The following TECRL variants were observed in gnomAD, a reference collection of about 807,000 sequenced individuals.
TECRL encodes trans-2,3-enoyl-CoA reductase-like.
In TECRL, 63 loss-of-function variants were observed where a neutral mutation model predicts 52.8. The observed-to-expected ratio is 1.19, with a 90% confidence interval of 0.97 to 1.47. The LOEUF is 1.47. TECRL is among the 40% of genes most tolerant of loss of function. The pLI, the probability that TECRL is intolerant of heterozygous loss-of-function variation, is 0.00. For missense variants in TECRL, 482 were observed against 429.6 expected, an observed-to-expected ratio of 1.12 and a Z score of -1.08; for synonymous variants, 164 against 141.9, an observed-to-expected ratio of 1.16 and a Z score of -1.10.
chr4:64,348,254 A>T (rs1162218097), intron 2 of TECRL, among the ~76,000 whole-genome samples: 2 of 152,192 alleles, frequency 1.3e-5, no homozygotes, highest in African/African-American at 2.4e-5. Context: ...ACAAGGTGAC[A>T]GAAGAGAGAG....
At chr4:64,305,364 T>C in intron 6 of TECRL, 126 bp from the exon 7 acceptor site, 1 of 703,280 alleles carries the variant, frequency 1.4e-6, no homozygotes, top group Non-Finnish European at 2.4e-6. Flanking sequence ...TATTAGACAC[T>C]GCAGCATTTA....
chr4:64,279,579 T>C lies in TECRL; in HGVS notation c.*493A>G, dbSNP rs185787449. 2.4e-3 allele frequency: 419 copies of C among 172,154 alleles called. 7 individuals carry two copies. The highest frequency in any genetic ancestry group is 9.1e-3 in the African/African-American group (383 of 41,886). 10.7% of individuals were successfully genotyped at this position (172,154 alleles called of 1,614,324 possible). The stretch of plus-strand genomic sequence containing the variant: ...GAACCACCACGGCTGTCATATTTTT[T>C]GTCTTTTTGAAAATAGTCACCTTAA... On this transcript the variant is annotated 3_prime_UTR_variant, in exon 12 of 12. Coordinates refer to ENST00000381210, the MANE Select transcript of TECRL (RefSeq NM_001010874.5).
chr4:64,305,917 G>A (rs1724310508), intron 6 of TECRL, among the ~76,000 whole-genome samples: 1 of 152,124 alleles, frequency 6.6e-6, no homozygotes, highest in South Asian at 2.1e-4. Flanking sequence ...TGTTGCTGCT[G>A]AGAGCATTTC....
At chr4:64,385,636 G>GT (rs1367965657) in intron 1 of TECRL, among the ~76,000 whole-genome samples, 1 of 152,140 alleles carries the variant, frequency 6.6e-6, no homozygotes, top group Non-Finnish European at 1.5e-5. Flanking sequence ...AGATGCAGGG[G>GT]TTGTTGGGCC....
chr4:64,359,247 A>C (rs903969563), intron 2 of TECRL, among the ~76,000 whole-genome samples: 3 of 151,850 alleles, frequency 2.0e-5, no homozygotes, highest in African/African-American at 4.8e-5. Flanking sequence ...TATAGTAACA[A>C]TATTTTTATT....
At chr4:64,337,108 T>TGA (rs1272024886) in intron 2 of TECRL, among the ~76,000 whole-genome samples, 2 of 152,036 alleles carry the variant, frequency 1.3e-5, no homozygotes, top group East Asian at 3.9e-4. Context: ...GACAGTGGGG[T>TGA]GTTAAAGTCT....
intron 1 of TECRL, among the ~76,000 whole-genome samples, chr4:64,383,634 G>A (rs1232239294): frequency 6.6e-6 from 1 of 151,674 alleles, no homozygotes; most frequent in Non-Finnish European, 1.5e-5. Flanking sequence ...TTCTAATTTA[G>A]ATTACAAATG....
intron 2 of TECRL, among the ~76,000 whole-genome samples, chr4:64,358,328 A>C (rs1720928802): frequency 6.6e-6 from 1 of 151,844 alleles, no homozygotes; most frequent in Non-Finnish European, 1.5e-5. Context: ...CATCTAAAAA[A>C]TATTGTTAAA....
At chr4:64,343,045 T>A (rs1254358437) in intron 2 of TECRL, among the ~76,000 whole-genome samples, 1 of 151,930 alleles carries the variant, frequency 6.6e-6, no homozygotes, top group African/African-American at 2.4e-5. Context: ...AAATTATGTT[T>A]CTAATAAAAA....
intron 1 of TECRL, among the ~76,000 whole-genome samples, chr4:64,383,681 T>C (rs1722978622): frequency 6.6e-6 from 1 of 152,096 alleles, no homozygotes; most frequent in African/African-American, 2.4e-5. Flanking sequence ...TGCTCTTTTA[T>C]GTCTCACTAA....
At chr4:64,390,040 T>C (rs1723439965) in intron 1 of TECRL, among the ~76,000 whole-genome samples, 1 of 151,802 alleles carries the variant, frequency 6.6e-6, no homozygotes, top group South Asian at 2.1e-4. Context: ...ACCTGATGAG[T>C]GTATGTTCTC....
At chr4:64,361,615 G>A (rs562458707) in intron 2 of TECRL, among the ~76,000 whole-genome samples, 1 of 152,176 alleles carries the variant, frequency 6.6e-6, no homozygotes, top group South Asian at 2.1e-4. Context: ...AACCTACACT[G>A]CCTGAAAGCA....
intron 1 of TECRL, among the ~76,000 whole-genome samples, chr4:64,381,655 G>GCATT (rs1045122584): frequency 6.6e-6 from 1 of 151,816 alleles, no homozygotes; most frequent in Non-Finnish European, 1.5e-5. Context: ...GTAATCATAT[G>GCATT]CATTTTATCC....
At chr4:64,289,642 A>G in intron 9 of TECRL, 68 bp downstream of exon 9, 1 of 1,189,250 alleles carries the variant, frequency 8.4e-7, no homozygotes, top group Non-Finnish European at 1.1e-6. Context: ...GATTTTTTGA[A>G]GTAAGATTAT....
chr4:64,299,353 T>C (rs1208452521), intron 8 of TECRL: 2 of 150,898 alleles, frequency 1.3e-5, no homozygotes, highest in African/African-American at 4.8e-5. Flanking sequence ...ATGACAGGGA[T>C]GAAAGGAGAA....
At chr4:64,369,715 A>C (rs1333157385) in intron 2 of TECRL, among the ~76,000 whole-genome samples, 1 of 152,072 alleles carries the variant, frequency 6.6e-6, no homozygotes, top group Non-Finnish European at 1.5e-5. Context: ...CTGAAAGATA[A>C]AAATTATAAT....
chr4:64,281,508 A>T lies in TECRL; in HGVS notation c.884T>A (p.Phe295Tyr), dbSNP rs1351503290. ...SPNYNPFTWM[F>Y]FLVSCPNYTY... Reference sequence around the variant, plus strand: ...GTAGTTAGGACATGAAACCAGGAAAAACATCCATGTGAAGGGGTTATAATT... The same window carrying T: ...GTAGTTAGGACATGAAACCAGGAAATACATCCATGTGAAGGGGTTATAATT... The change falls in exon 10 of 12, where the codon TTT (phenylalanine) becomes TAT (tyrosine). Residue 295 changes from phenylalanine (F) to tyrosine (Y), a missense_variant. Physicochemically the swap from Phe to Tyr is conservative, Grantham distance 22. Coordinates refer to ENST00000381210, the MANE Select transcript of TECRL (RefSeq NM_001010874.5). 10 of 1,605,438 alleles carry T rather than the reference A, an allele frequency of 6.2e-6. No individual in the cohort carries two copies. Among genetic ancestry groups the T allele is most frequent in the Non-Finnish European group, 8.5e-6 (10 of 1,175,668 alleles).
intron 1 of TECRL, among the ~76,000 whole-genome samples, chr4:64,393,456 C>T (rs529793198): frequency 2.0e-5 from 3 of 151,900 alleles, no homozygotes; most frequent in East Asian, 1.9e-4. Flanking sequence ...CAGAGATGTT[C>T]GAATGGAAAA....
At chr4:64,310,363 T>G (rs1333593178) in intron 5 of TECRL, among the ~76,000 whole-genome samples, 1 of 152,242 alleles carries the variant, frequency 6.6e-6, no homozygotes, top group East Asian at 1.9e-4. Context: ...ATTGTCTGGT[T>G]GTCCTTTAGC....
Sources: allele counts gnomAD v4.1 joint callset (sites outside exome capture counted in the v4.1 genomes callset), GRCh38; gene constraint gnomAD v4.1.1; transcripts MANE v1.5; gene names NCBI Gene and HGNC (gene_info 2026-07-23, HGNC 2026-07-21).